CDK6: variants seen among roughly 807,000 people sequenced by gnomAD.
CDK6 encodes the protein cyclin dependent kinase 6, also known as cyclin-dependent kinase 6.
In CDK6, 6 loss-of-function variants were observed where a neutral mutation model predicts 37.1. The ratio of observed to expected loss-of-function variants is 0.16; its 90% CI spans 0.09 to 0.32. The LOEUF (loss-of-function observed/expected upper bound fraction) is 0.32, where lower values mean the gene tolerates loss of function less well. Ranked by LOEUF, CDK6 falls within the 10% of genes least tolerant of loss-of-function variation. The pLI, the probability that CDK6 is intolerant of heterozygous loss-of-function variation, is 1.00. For synonymous variants in CDK6, 160 were observed against 161.3 expected (o/e 0.99, Z 0.06); for missense variants, 224 against 418.9 (o/e 0.53, Z 4.06).
intron 5 of CDK6, among the ~76,000 whole-genome samples, chr7:92,667,166 T>C (rs1019223675): frequency 7.2e-5 from 11 of 152,040 alleles, no homozygotes; most frequent in African/African-American, 2.7e-4. Context: ...AATGAGGATA[T>C]AAAGAAAAGA....
rs531370053 is a variant in CDK6 at position 92,705,366 on chromosome 7, C to G, written c.537+20260G>C. On this transcript the variant is annotated intron_variant, in intron 4 of 7. Transcript: ENST00000424848. ...AGGCACCAAGAGAGGAAGCATATAACAAGTAGTTGTTCACCAAGTAACCAA... is the reference window on the plus strand; with the variant it reads ...AGGCACCAAGAGAGGAAGCATATAAGAAGTAGTTGTTCACCAAGTAACCAA... 2.0e-5 allele frequency among the ~76,000 whole-genome samples: 3 copies of G among 152,288 alleles called. No individual in the cohort carries two copies. The East Asian group carries it at 5.8e-4, about 29-fold the overall frequency.
At chr7:92,657,708 T>G (rs1403023764) in intron 5 of CDK6, among the ~76,000 whole-genome samples, 2 of 152,168 alleles carry the variant, frequency 1.3e-5, no homozygotes, top group African/African-American at 4.8e-5. Flanking sequence ...ATTACCATAT[T>G]CACTTATGTT....
Position 92,651,234 on chromosome 7 carries a change from A to G in CDK6, c.647+20192T>C, listed in dbSNP as rs60960869. On this transcript the variant is annotated intron_variant, in intron 5 of 7. Coordinates refer to ENST00000424848, the MANE Select transcript of CDK6 (RefSeq NM_001145306.2). ...TCATGTGATTAGGTTGGGCCCCCTC[A>G]GATAATCCAGAATAATCTCCCTATG... Among the ~76,000 whole-genome samples the G allele has an allele frequency of 8.7e-3, 1,326 of 152,306 alleles. 22 individuals are homozygous for G. The highest frequency in any genetic ancestry group is 0.03 in the African/African-American group (1,263 of 41,564).
chr7:92,750,332 T>C (rs777475973), intron 3 of CDK6, among the ~76,000 whole-genome samples: 1 of 152,132 alleles, frequency 6.6e-6, no homozygotes, highest in East Asian at 1.9e-4. Context: ...TTCCAAGGAA[T>C]TTTCCAACTC....
chr7:92,733,283 C>A lies in CDK6; in HGVS notation c.370-7490G>T, dbSNP rs182780020. Reference sequence around the variant, plus strand: ...ATAATATCGCCTTTGCCATCACTATCATTTACTGTCAACTCTCTATATTCC... The same window carrying A: ...ATAATATCGCCTTTGCCATCACTATAATTTACTGTCAACTCTCTATATTCC... On this transcript the variant is annotated intron_variant, in intron 3 of 7. Transcript: ENST00000424848. 3.3e-5 allele frequency among the ~76,000 whole-genome samples: 5 copies of A among 152,230 alleles called. No homozygotes were observed. The East Asian group carries it at 9.7e-4, about 29-fold the overall frequency.
rs1436642904 is a variant in CDK6, at chr7:92,672,186, CACAT to C, written c.538-655_538-652del. Among the ~76,000 whole-genome samples the C allele has an allele frequency of 3.7e-3, 360 of 98,214 alleles. 22 individuals carry two copies. Among genetic ancestry groups the C allele is most frequent in the South Asian group, 7.1e-3 (16 of 2,246 alleles). 64.4% of individuals were successfully genotyped at this position (98,214 alleles called of 152,430 possible). A position where few individuals can be genotyped will look rare whatever the true frequency, so the allele number is the denominator to read the frequency against. On this transcript the variant is annotated intron_variant, in intron 4 of 7. Coordinates refer to ENST00000424848, the MANE Select transcript of CDK6 (RefSeq NM_001145306.2). The stretch of plus-strand genomic sequence containing the variant: ...ACACATACACACACACACACACAGA[CACAT>C]ACACACACACACACACACACACACA...
chr7:92,627,226 T>C (rs1795947763), intron 5 of CDK6, among the ~76,000 whole-genome samples: 1 of 152,106 alleles, frequency 6.6e-6, no homozygotes, highest in Non-Finnish European at 1.5e-5. Flanking sequence ...CATAATGTGA[T>C]TCCATTTATA....
At chr7:92,791,678 G>T (rs1422958220) in intron 2 of CDK6, among the ~76,000 whole-genome samples, 1 of 152,148 alleles carries the variant, frequency 6.6e-6, no homozygotes, top group Non-Finnish European at 1.5e-5. Flanking sequence ...AGGCCCTGAA[G>T]AAGAGGCATT....
intron 2 of CDK6, among the ~76,000 whole-genome samples, chr7:92,776,798 T>C (rs1202672139): frequency 6.6e-6 from 1 of 152,232 alleles, no homozygotes; most frequent in Non-Finnish European, 1.5e-5. Flanking sequence ...CCCTGTAGAT[T>C]CTGGATATTA....
In CDK6 at chr7:92,755,591, A is replaced by T. The variant is rs145927576; in HGVS notation, c.369+19105T>A. On this transcript the variant is annotated intron_variant, in intron 3 of 7. Transcript: ENST00000424848. The stretch of plus-strand genomic sequence containing the variant: ...CAAACCAGGAAGAAAATGCTTTACA[A>T]ACCGCTTCAAACCAAGGAGGTGGCA... 2.7e-3 allele frequency among the ~76,000 whole-genome samples: 404 copies of T among 152,302 alleles called. 1 individual carries two copies. The highest frequency in any genetic ancestry group is 9.4e-3 in the African/African-American group (389 of 41,560).
chr7:92,764,330 G>T (rs1251474562), intron 3 of CDK6, among the ~76,000 whole-genome samples: 1 of 151,960 alleles, frequency 6.6e-6, no homozygotes, highest in African/African-American at 2.4e-5. Flanking sequence ...GTCAAGACAG[G>T]GTTTCTCCAT....
intron 3 of CDK6, among the ~76,000 whole-genome samples, chr7:92,772,172 A>C (rs1193963536): frequency 6.6e-6 from 1 of 152,218 alleles, no homozygotes; most frequent in African/African-American, 2.4e-5. Flanking sequence ...ATATTTAATA[A>C]GGAAGGAAAG....
chr7:92,712,641 A>G (rs1411057191), intron 4 of CDK6, among the ~76,000 whole-genome samples: 2 of 152,204 alleles, frequency 1.3e-5, no homozygotes, highest in African/African-American at 2.4e-5. Context: ...TAAAGACAAG[A>G]TTTTATTTCA....
intron 3 of CDK6, among the ~76,000 whole-genome samples, chr7:92,767,876 T>G (rs889005449): frequency 6.6e-6 from 1 of 152,140 alleles, no homozygotes; most frequent in African/African-American, 2.4e-5. Context: ...GTCACATTCC[T>G]GGTAAAAGTT....
At chr7:92,814,121 A>G (rs779549868) in intron 2 of CDK6, among the ~76,000 whole-genome samples, 4 of 152,196 alleles carry the variant, frequency 2.6e-5, no homozygotes, top group Non-Finnish European at 5.9e-5. Flanking sequence ...AACATTCCCA[A>G]TATGATGTCA....
intron 3 of CDK6, among the ~76,000 whole-genome samples, chr7:92,744,635 T>C (rs1707947440): frequency 6.6e-6 from 1 of 152,236 alleles, no homozygotes; most frequent in African/African-American, 2.4e-5. Context: ...GTTTGTCTCA[T>C]ACACTATTAA....
intron 3 of CDK6, among the ~76,000 whole-genome samples, chr7:92,753,249 T>A (rs184692982): frequency 1.6e-4 from 25 of 151,804 alleles, no homozygotes; most frequent in Non-Finnish European, 2.9e-5. Flanking sequence ...GCAACAAGAG[T>A]AGATGAAAAA....
chr7:92,712,429 C>T (rs1312607335), intron 4 of CDK6, among the ~76,000 whole-genome samples: 1 of 152,078 alleles, frequency 6.6e-6, no homozygotes, highest in East Asian at 1.9e-4. Context: ...TACTTGAGAA[C>T]TACAATCGAC....
At chr7:92,731,241 C>T (rs1395131336) in intron 3 of CDK6, among the ~76,000 whole-genome samples, 2 of 152,184 alleles carry the variant, frequency 1.3e-5, no homozygotes, top group Non-Finnish European at 2.9e-5. Context: ...AACAGGTCTC[C>T]CCTACTTCTC....
Sources: allele counts gnomAD v4.1 joint callset (sites outside exome capture counted in the v4.1 genomes callset), GRCh38; gene constraint gnomAD v4.1.1; transcripts MANE v1.5; gene names NCBI Gene and HGNC (gene_info 2026-07-23, HGNC 2026-07-21).